DDX60: variants seen among roughly 807,000 people sequenced by gnomAD.
The protein encoded by DDX60 is DExD/H-box helicase 60.
A neutral mutation model predicts 212.8 loss-of-function variants in DDX60; 165 were observed. That is an observed-to-expected ratio of 0.78 (90% confidence interval 0.68 to 0.88). DDX60 has a LOEUF of 0.88. DDX60 is among the 40% of genes least tolerant of loss of function. The pLI is 0.00. For missense variants in DDX60, 1,905 were observed against 2,003.9 expected, an observed-to-expected ratio of 0.95 and a Z score of 0.94; for synonymous variants, 703 against 685.3, an observed-to-expected ratio of 1.03 and a Z score of -0.40.
At chr4:168,312,337 T>C (rs1181778479) in intron 1 of DDX60, among the ~76,000 whole-genome samples, 2 of 152,138 alleles carry the variant, frequency 1.3e-5, no homozygotes, top group African/African-American at 4.8e-5. Context: ...TAGTAAAATA[T>C]ACAAGTCTAG....
intron 3 of DDX60, among the ~76,000 whole-genome samples, chr4:168,309,209 G>A (rs149701566): frequency 2.3e-3 from 352 of 152,192 alleles, no homozygotes; most frequent in Middle Eastern, 0.01. Flanking sequence ...TGGTTCTTGC[G>A]TATTTTTCCA....
In DDX60 at chr4:168,237,674, A is replaced by T. The variant is rs758454014; in HGVS notation, c.4269+17T>A. On this transcript the variant is annotated intron_variant, in intron 31 of 37. Transcript: ENST00000393743. ...TAGTAATGCTATTTCCCAAAACAAA[A>T]GTGCAGTAATGCATACCTCTTTCAC... The T allele has an allele frequency of 6.9e-6, 11 of 1,592,662 alleles. No homozygotes were observed. In the South Asian group the frequency reaches 1.2e-4, roughly 18 times the overall value.
Position 168,225,511 on chromosome 4 carries a change from G to T in DDX60, c.4681+18C>A, listed in dbSNP as rs1446227664. On this transcript the variant is annotated intron_variant, in intron 34 of 37. Coordinates refer to ENST00000393743, the MANE Select transcript of DDX60 (RefSeq NM_017631.6). ...TTATTCTTCAAATTGTTCCACAATGGAGGTAAAATATACTTACTGATTTTT... is the reference window on the plus strand; with the variant it reads ...TTATTCTTCAAATTGTTCCACAATGTAGGTAAAATATACTTACTGATTTTT... The T allele has an allele frequency of 6.3e-7, 1 of 1,584,204 alleles. No homozygotes were observed. Among genetic ancestry groups the T allele is most frequent in the Admixed American group, 1.9e-5 (1 of 53,508 alleles).
At chr4:168,280,894 C>T (rs1160890501) in intron 13 of DDX60, among the ~76,000 whole-genome samples, 1 of 152,154 alleles carries the variant, frequency 6.6e-6, no homozygotes, top group Non-Finnish European at 1.5e-5. Flanking sequence ...AATCCCAGCA[C>T]TTTGGGAGGC....
chr4:168,283,166 A>T (rs952540300), intron 13 of DDX60, among the ~76,000 whole-genome samples: 1 of 152,200 alleles, frequency 6.6e-6, no homozygotes, highest in African/African-American at 2.4e-5. Context: ...CTATATTTTT[A>T]ACGTTAGTTT....
intron 25 of DDX60, among the ~76,000 whole-genome samples, chr4:168,258,165 A>C (rs1221704019): frequency 6.6e-6 from 1 of 152,258 alleles, no homozygotes; most frequent in Non-Finnish European, 1.5e-5. Context: ...TGCGACCTAG[A>C]GATTAGACCT....
chr4:168,323,584 C>A (rs150454421), upstream of DDX60, among the ~76,000 whole-genome samples: 498 of 152,266 alleles, frequency 3.3e-3, no homozygotes, highest in Non-Finnish European at 6.0e-3. Flanking sequence ...TGAAATGCAC[C>A]TTTCTCACAT....
intron 13 of DDX60, among the ~76,000 whole-genome samples, chr4:168,281,389 A>G (rs934514018): frequency 1.1e-4 from 16 of 152,174 alleles, no homozygotes; most frequent in Non-Finnish European, 2.4e-4. Context: ...AGCACTCATT[A>G]ACATAAACTG....
chr4:168,274,953 A>G (rs2149521209), intron 16 of DDX60, among the ~76,000 whole-genome samples: 1 of 152,362 alleles, frequency 6.6e-6, no homozygotes, highest in South Asian at 2.1e-4. Context: ...ATGGTGACAG[A>G]TGCAATGTGT....
At chr4:168,266,004 T>C (rs1734834322) in intron 22 of DDX60, among the ~76,000 whole-genome samples, 1 of 152,148 alleles carries the variant, frequency 6.6e-6, no homozygotes, top group South Asian at 2.1e-4. Context: ...TGTCCATATT[T>C]AGGTTTATTT....
At chr4:168,320,462 AT>A (rs992230442), upstream of DDX60, among the ~76,000 whole-genome samples, 17 of 149,930 alleles carry the variant, frequency 1.1e-4, no homozygotes, top group African/African-American at 1.5e-4. Context: ...GCAAGGAAAC[AT>A]TTTTTTTTTC....
chr4:168,257,143 A>G (rs525833), intron 25 of DDX60, among the ~76,000 whole-genome samples: 65,211 of 151,710 alleles, frequency 0.43, 14,954 homozygotes, highest in African/African-American at 0.61. Flanking sequence ...TGGACAACAC[A>G]GTGACACAGA....
intron 37 of DDX60, 116 bp downstream of exon 37, chr4:168,220,539 C>T (rs2149489523): frequency 1.7e-6 from 1 of 602,762 alleles, no homozygotes; most frequent in Non-Finnish European, 2.9e-6. Context: ...ATGCATAGCA[C>T]AGAAGAAGCT....
At chr4:168,227,598 T>TA (rs142897472) in intron 33 of DDX60, among the ~76,000 whole-genome samples, 3,000 of 152,160 alleles carry the variant, frequency 0.02, 82 homozygotes, top group African/African-American at 0.068. Flanking sequence ...TCCTTCTACT[T>TA]ACTGTAGGTT....
chr4:168,264,558 C>T (rs920276214), intron 22 of DDX60, among the ~76,000 whole-genome samples: 8 of 152,020 alleles, frequency 5.3e-5, no homozygotes, highest in Middle Eastern at 3.4e-3. Flanking sequence ...AGCTAGAATG[C>T]TTATGATTTC....
At chr4:168,288,390 G>T (rs1735953422) in intron 8 of DDX60, 75 bp from the exon 9 acceptor site, 1 of 1,053,350 alleles carries the variant, frequency 9.5e-7, no homozygotes, top group Non-Finnish European at 1.4e-6. Flanking sequence ...ATATGCTTCT[G>T]AACTGAAAGG....
At position 168,293,648 on chromosome 4, in the gene DDX60, T is replaced by C. The variant is rs1736210374; in HGVS notation, c.882+139A>G. 6 of 756,626 alleles carry C rather than the reference T, an allele frequency of 7.9e-6. No homozygotes were observed. The South Asian group carries it at 1.3e-4, about 16-fold the overall frequency. 46.9% of individuals were successfully genotyped at this position (756,626 alleles called of 1,614,324 possible). ...ATAAGTGTTTCCTGATAGACACAAA[T>C]TTCAGTTTTATTTTCTGAAGTTTAT... On this transcript the variant is annotated intron_variant, in intron 7 of 37. Transcript: ENST00000393743.
chr4:168,267,048 G>T (rs1734876120), intron 22 of DDX60, among the ~76,000 whole-genome samples: 1 of 152,136 alleles, frequency 6.6e-6, no homozygotes, highest in Non-Finnish European at 1.5e-5. Flanking sequence ...GAGAGGAAGA[G>T]AACTATGCAA....
intron 18 of DDX60, among the ~76,000 whole-genome samples, chr4:168,272,813 T>C (rs1735161893): frequency 6.6e-6 from 1 of 152,216 alleles, no homozygotes; most frequent in Non-Finnish European, 1.5e-5. Context: ...TAATCATGTG[T>C]TCATTCTTAT....
Sources: gnomAD v4.1 joint callset for allele counts (sites outside exome capture counted in the v4.1 genomes callset) on GRCh38, gnomAD v4.1.1 for gene constraint, MANE v1.5 for transcripts, NCBI Gene and HGNC (gene_info 2026-07-23, HGNC 2026-07-21) for gene names.